Variants in CLUH observed in about 807,000 individuals in gnomAD.
CLUH encodes CLUH binding protein of NUMT mRNA, also known as clustered mitochondria protein homolog.
In CLUH, 77 loss-of-function variants were observed where a neutral mutation model predicts 139.3. The observed-to-expected ratio is 0.55, with a 90% CI of 0.46 to 0.67. CLUH has a LOEUF of 0.67. Ranked by LOEUF, CLUH falls within the 30% of genes least tolerant of loss-of-function variation. The pLI, the probability that CLUH is intolerant of heterozygous loss-of-function variation, is 0.00. For synonymous variants in CLUH, 999 were observed against 801.6 expected, an observed-to-expected ratio of 1.25 and a Z score of -4.16; for missense variants, 1,876 against 1,875.8, an observed-to-expected ratio of 1.00 and a Z score of 0.00.
Position 2,695,008 on chromosome 17 carries a change from C to T in CLUH, c.2701G>A (p.Asp901Asn), listed in dbSNP as rs200041898. 106 of 1,613,644 alleles carry T rather than the reference C, an allele frequency of 6.6e-5. 1 individual carries two copies. In the Admixed American group the frequency reaches 9.7e-4, roughly 15 times the overall value. Residue 901 changes from aspartate to asparagine, a missense_variant, in exon 16 of 26, where the codon GAC (aspartate) becomes AAC (asparagine). By Grantham distance (23) the Asp-to-Asn change is conservative. Around this residue, in one of 3 missense-constraint regions of CLUH, gnomAD observed 1,454 missense variants for 1,384.4 expected, o/e 1.05. Transcript: ENST00000651024. ...YPNPVAHLPA[D>N]ELVSKKRNKR... The stretch of plus-strand genomic sequence containing the variant: ...TTCCGCTTCTTGGAGACCAGCTCGT[C>T]GGCGGGCAGGTGGGCCACGGGGTTT...
chr17:2,691,885 T>C lies in CLUH; in HGVS notation c.3665A>G (p.Asp1222Gly), dbSNP rs2069655908. The C allele has an allele frequency of 6.5e-7, 1 of 1,537,090 alleles. No individual in the cohort carries two copies. The highest frequency in any genetic ancestry group is 1.2e-5 in the South Asian group (1 of 83,932). The change falls in exon 24 of 26, where the codon GAC (aspartate) becomes GGC (glycine). Residue 1222 changes from aspartate (D) to glycine (G), a missense_variant. Asp to Gly is a moderately conservative substitution (Grantham distance 94, BLOSUM62 -1). Transcript: ENST00000651024. The stretch of plus-strand genomic sequence containing the variant: ...GGAGCTTTCCTTGGTCTTCTCATGG[T>C]CCTCGCCCAGCTGCGGGGAGGCGGG... ...YTIYKTQLGE[D>G]HEKTKESSEY...
rs371229741 is a variant in CLUH, at chr17:2,706,124, C to G, written c.101-1560G>C. Among the ~76,000 whole-genome samples, 1 of 152,160 alleles carries G rather than the reference C, an allele frequency of 6.6e-6. No individual in the cohort carries two copies. Among genetic ancestry groups the G allele is most frequent in the African/African-American group, 2.4e-5 (1 of 41,430 alleles). On this transcript the variant is annotated intron_variant, in intron 1 of 25. Transcript: ENST00000651024. This position sits in a 1 kb window ranked among gnomAD's most constrained non-coding sequence, Gnocchi z 4.6. ...TAGACCCCACCTCCCCTTCCCCACC[C>G]GGCTCTCAGGAGCGGGGACAGGTGC... is the stretch of plus-strand genomic sequence containing the variant.
At position 2,696,823 on chromosome 17, in the gene CLUH, T is replaced by G; in HGVS notation, c.2081A>C (p.Asp694Ala). Reference protein sequence around the residue: ...GPSSLESKSEDPPGQEAGSEE... With the variant: ...GPSSLESKSEAPPGQEAGSEE... ...ACTTCCCGCCTCCTGTCCTGGAGGATCCTCAGACTTGGACTCCAAGGAGGA... is the reference window on the plus strand; with the variant it reads ...ACTTCCCGCCTCCTGTCCTGGAGGAGCCTCAGACTTGGACTCCAAGGAGGA... The change falls in exon 11 of 26, where the codon GAT becomes GCT. Residue 694 changes from aspartate to alanine, a missense_variant. Physicochemically the swap from Asp to Ala is moderately radical, Grantham distance 126. Around this residue, in one of 3 missense-constraint regions of CLUH, gnomAD observed 1,454 missense variants for 1,384.4 expected, o/e 1.05. Transcript: ENST00000651024. 2 of 1,613,534 alleles carry G rather than the reference T, an allele frequency of 1.2e-6. No homozygotes were observed. The highest frequency in any genetic ancestry group is 1.3e-5 in the African/African-American group (1 of 75,064).
rs1213557730 is a variant in CLUH at position 2,692,438 on chromosome 17, C to T, written c.3483G>A (p.Leu1161=). 6.2e-7 allele frequency: 1 copy of T among 1,600,428 alleles called. No homozygotes were observed. Among genetic ancestry groups the T allele is most frequent in the South Asian group, 1.1e-5 (1 of 91,040 alleles). Residue 1161 remains leucine (L), a synonymous_variant, in exon 22 of 26, where the codon CTG becomes CTA. Transcript: ENST00000651024. The part of the protein sequence containing the change: ...LVLHGVMEYD[L]SLRFLENALA... ...GCGCGTTCTCCAGGAAGCGCAGCGA[C>T]AGGTCGTACTCCATCACCCCGTGCA...
In CLUH at chr17:2,698,279, G is replaced by A. The variant is rs374452291; in HGVS notation, c.1578C>T (p.Ile526=). The A allele has an allele frequency of 3.1e-6, 5 of 1,611,324 alleles. No individual in the cohort carries two copies. The African/African-American group carries it at 4.0e-5, about 13-fold the overall frequency. Reference sequence around the variant, plus strand: ...CCTGGTCCCGCTCCAGGATGCCGGGGATGATGGACTGGGCCGTGACCCGGT... The same window carrying A: ...CCTGGTCCCGCTCCAGGATGCCGGGAATGATGGACTGGGCCGTGACCCGGT... ...RGYRVTAQSI[I]PGILERDQEQ... is the part of the protein sequence containing the mutation. The change falls in exon 10 of 26, where the codon ATC becomes ATT. Residue 526 remains isoleucine, a synonymous_variant. Coordinates refer to ENST00000651024, the MANE Select transcript of CLUH (RefSeq NM_001366661.1).
chr17:2,703,260 G>A lies in CLUH; in HGVS notation c.475+58C>T. 1.0e-5 allele frequency: 16 copies of A among 1,530,150 alleles called. No homozygotes were observed. In the South Asian group the frequency reaches 1.4e-4, roughly 14 times the overall value. 94.8% of individuals were successfully genotyped at this position (1,530,150 alleles called of 1,614,324 possible). On this transcript the variant is annotated intron_variant, in intron 3 of 25. Transcript: ENST00000651024. This position sits in a 1 kb window ranked among gnomAD's most constrained non-coding sequence, Gnocchi z 4.2. ...CAGGGACCCTGGCATGGATGGTGCTGCCTGCCTCTGCCTCCGTGGGCCCTC... is the reference window on the plus strand; with the variant it reads ...CAGGGACCCTGGCATGGATGGTGCTACCTGCCTCTGCCTCCGTGGGCCCTC...
chr17:2,691,542 CAG>C (rs1223554167), intron 25 of CLUH, 65 bp downstream of exon 25: 1 of 1,503,312 alleles, frequency 6.7e-7, no homozygotes, highest in East Asian at 2.4e-5. Flanking sequence ...GCCCGGGTGA[CAG>C]GGCGAGACTC....
At position 2,707,506 on chromosome 17, in the gene CLUH, C is replaced by T. The variant is rs950349901; in HGVS notation, c.101-2942G>A. 4 of 985,278 alleles carry T rather than the reference C, an allele frequency of 4.1e-6. No individual in the cohort carries two copies. In the Admixed American group the frequency reaches 1.8e-4, roughly 45 times the overall value. The allele number at this position is 985,278 out of a possible 1,614,324, so 61.0% of individuals were successfully genotyped here. ...GGGGAGCTGCTATCAGCACTCAGGC[C>T]CACCTCCCTATGCCCCCTAGAGAGG... On this transcript the variant is annotated intron_variant, in intron 1 of 25. Transcript: ENST00000651024. The surrounding 1 kb of genome is among the most constrained non-coding windows in gnomAD (Gnocchi z 7.4).
At chr17:2,691,953 C>G in intron 23 of CLUH, 51 bp downstream of exon 23, 1 of 1,020,194 alleles carries the variant, frequency 9.8e-7, no homozygotes. Context: ...CCGCCCCCGC[C>G]CCGCCACGCC....
chr17:2,696,642 C>G (rs539045450), intron 11 of CLUH, 77 bp downstream of exon 11: 2 of 1,565,522 alleles, frequency 1.3e-6, no homozygotes, highest in African/African-American at 2.7e-5. Flanking sequence ...GTCTGCCAGC[C>G]TCTCCCAGGT....
rs1169208779 is a variant in CLUH at position 2,707,481 on chromosome 17, G to A, written c.101-2917C>T. The A allele has an allele frequency of 3.0e-6, 3 of 985,266 alleles. No homozygotes were observed. Among genetic ancestry groups the A allele is most frequent in the Non-Finnish European group, 3.6e-6 (3 of 829,904 alleles). The allele number at this position is 985,266 out of a possible 1,614,324, so 61.0% of individuals were successfully genotyped here. A position where few individuals can be genotyped will look rare whatever the true frequency, so the allele number is the denominator to read the frequency against. Reference sequence around the variant, plus strand: ...GAACCCGGTGGCCCCAGGACCCCAGGGGGAGCTGCTATCAGCACTCAGGCC... The same window carrying A: ...GAACCCGGTGGCCCCAGGACCCCAGAGGGAGCTGCTATCAGCACTCAGGCC... On this transcript the variant is annotated intron_variant, in intron 1 of 25. Coordinates refer to ENST00000651024, the MANE Select transcript of CLUH (RefSeq NM_001366661.1). This position sits in a 1 kb window ranked among gnomAD's most constrained non-coding sequence, Gnocchi z 7.4.
In CLUH at chr17:2,696,757, T is replaced by C; in HGVS notation, c.2147A>G (p.Lys716Arg). 1 of 1,612,604 alleles carries C rather than the reference T, an allele frequency of 6.2e-7. No homozygotes were observed. Among genetic ancestry groups the C allele is most frequent in the Non-Finnish European group, 8.5e-7 (1 of 1,179,874 alleles). The change falls in exon 11 of 26, where the codon AAG becomes AGG. Residue 716 changes from lysine to arginine, a missense_variant. Physicochemically the swap from Lys to Arg is conservative, Grantham distance 26. Transcript: ENST00000651024. ...TGCGGCGATGGTCTCTGCCAGCTCCTTCACCTTGGCCAGGCCGCTGGCGCT... is the reference window on the plus strand; with the variant it reads ...TGCGGCGATGGTCTCTGCCAGCTCCCTCACCTTGGCCAGGCCGCTGGCGCT... Reference protein sequence around the residue: ...GSSASGLAKVKELAETIAADD... With the variant: ...GSSASGLAKVRELAETIAADD...
At chr17:2,694,822 T>TTGGCCCCCCCCCCCCCCCCCC in intron 16 of CLUH, 35 bp downstream of exon 16, 1 of 1,346,338 alleles carries the variant, frequency 7.4e-7, no homozygotes, top group Non-Finnish European at 1.0e-6. Context: ...ATCTGCCCAA[T>TTGGCCCCCCCCCCCCCCCCCC]CCCACCCACC....
chr17:2,700,733 C>G lies in CLUH; in HGVS notation c.1118G>C (p.Arg373Pro). ...PQAEHAMDCV[R>P]AEDAYTSRLG... ...CCTCGAGGTGTAGGCGTCCTCTGCACGCACGCAATCCATGGCATGCTCCGC... is the reference window on the plus strand; with the variant it reads ...CCTCGAGGTGTAGGCGTCCTCTGCAGGCACGCAATCCATGGCATGCTCCGC... The change falls in exon 8 of 26, where the codon CGT becomes CCT. Residue 373 changes from arginine (R) to proline (P), a missense_variant. Physicochemically the swap from Arg to Pro is moderately radical, Grantham distance 103. This residue lies in a region of CLUH where 1,454 missense variants were observed against 1,384.4 expected (regional missense o/e 1.05). Coordinates refer to ENST00000651024, the MANE Select transcript of CLUH (RefSeq NM_001366661.1). 1 of 1,545,148 alleles carries G rather than the reference C, an allele frequency of 6.5e-7. No individual in the cohort carries two copies. The highest frequency in any genetic ancestry group is 8.7e-7 in the Non-Finnish European group (1 of 1,151,322).
rs1304130950 is a variant in CLUH, at chr17:2,694,049, A to G, written c.3092-10T>C. ...CCCTCCTTCAGGAAGCCTGCAGGGC[A>G]CCCCCAGGGGTGGCAAGGTCAGGAC... is the stretch of plus-strand genomic sequence containing the variant. On this transcript the variant is annotated splice_polypyrimidine_tract_variant and intron_variant, in intron 18 of 25. Transcript: ENST00000651024. 1 of 1,613,374 alleles carries G rather than the reference A, an allele frequency of 6.2e-7. No homozygotes were observed. Among genetic ancestry groups the G allele is most frequent in the Non-Finnish European group, 8.5e-7 (1 of 1,179,740 alleles).
rs201247106 is a variant in CLUH at position 2,696,794 on chromosome 17, C to T, written c.2110G>A (p.Glu704Lys). ...AGGCCGCTGGCGCTGCTACCCTCCT[C>T]CTCACTTCCCGCCTCCTGTCCTGGA... is the stretch of plus-strand genomic sequence containing the variant. ...DPPGQEAGSEEEGSSASGLAK... is the reference protein window; with the variant it reads ...DPPGQEAGSEKEGSSASGLAK... Residue 704 changes from glutamate to lysine, a missense_variant, in exon 11 of 26, where the codon GAG (glutamate) becomes AAG (lysine). Coordinates refer to ENST00000651024, the MANE Select transcript of CLUH (RefSeq NM_001366661.1). 3.7e-6 allele frequency: 6 copies of T among 1,613,284 alleles called. No homozygotes were observed. Among genetic ancestry groups the T allele is most frequent in the East Asian group, 4.5e-5 (2 of 44,870 alleles).
chr17:2,703,628 C>T lies in CLUH; in HGVS notation c.304-139G>A. On this transcript the variant is annotated intron_variant, in intron 2 of 25. Coordinates refer to ENST00000651024, the MANE Select transcript of CLUH (RefSeq NM_001366661.1). The surrounding 1 kb of genome is among the most constrained non-coding windows in gnomAD (Gnocchi z 4.2). Reference sequence around the variant, plus strand: ...TCCCCAGCCCAAAGTACCTTGGTCCCCAGAATAAATGCCCCAAATACTCGA... The same window carrying T: ...TCCCCAGCCCAAAGTACCTTGGTCCTCAGAATAAATGCCCCAAATACTCGA... 1.3e-6 allele frequency: 1 copy of T among 782,226 alleles called. No homozygotes were observed. The highest frequency in any genetic ancestry group is 1.8e-5 in the South Asian group (1 of 55,428). 48.5% of individuals were successfully genotyped at this position (782,226 alleles called of 1,614,324 possible).
At chr17:2,695,616 C>G in intron 13 of CLUH, 90 bp from the exon 14 acceptor site, 1 of 1,438,628 alleles carries the variant, frequency 7.0e-7, no homozygotes, top group South Asian at 1.4e-5. Flanking sequence ...TCCTGGGAGG[C>G]CCTGGAGAAG....
chr17:2,708,618 A>G (rs939894010), intron 1 of CLUH, among the ~76,000 whole-genome samples: 22 of 150,282 alleles, frequency 1.5e-4, no homozygotes, highest in Non-Finnish European at 3.1e-4. Context: ...ATTAAGTTTA[A>G]AAAAAAAAGG....
Sources: gnomAD v4.1 joint callset for allele counts (sites outside exome capture counted in the v4.1 genomes callset) on GRCh38, gnomAD v4.1.1 for gene constraint, gnomAD v4.1.1 regional missense constraint, Gnocchi (gnomAD v3.1) non-coding constraint, MANE v1.5 for transcripts, NCBI Gene and HGNC (gene_info 2026-07-23, HGNC 2026-07-21) for gene names.